Variants in MAP1LC3B observed in about 807,000 individuals in gnomAD.
MAP1LC3B encodes microtubule-associated protein 1 light chain 3 beta.
MAP1LC3B carries 12 observed loss-of-function variants against 16.7 expected under a neutral mutation model. That is an observed-to-expected ratio of 0.72 (90% CI 0.46 to 1.16). The LOEUF (loss-of-function observed/expected upper bound fraction) is 1.16. Ranked by LOEUF, MAP1LC3B falls within the 50% of genes most tolerant of loss-of-function variation. MAP1LC3B has a pLI of 0.00. For missense variants in MAP1LC3B, 155 were observed against 159.5 expected (o/e 0.97, Z 0.15); for synonymous variants, 63 against 56.5 (o/e 1.11, Z -0.51).
chr16:87,399,426 G>A (rs1907909761), intron 2 of MAP1LC3B: 1 of 318,536 alleles, frequency 3.1e-6, no homozygotes, highest in African/African-American at 2.2e-5. Context: ...GTGTCCGCTA[G>A]ATAAAGCTCT....
intron 2 of MAP1LC3B, chr16:87,400,068 G>A (rs1481363666): frequency 1.9e-5 from 3 of 159,372 alleles, no homozygotes; most frequent in Admixed American, 1.8e-4. Flanking sequence ...CACCACGCCG[G>A]CCTGATGGCT....
chr16:87,392,620 C>A, intron 1 of MAP1LC3B, 153 bp downstream of exon 1: 1 of 660,742 alleles, frequency 1.5e-6, no homozygotes, highest in Non-Finnish European at 2.0e-6. Flanking sequence ...GGATGCGGGG[C>A]CCGGGGCCCC....
chr16:87,398,689 G>T (rs904745546), intron 1 of MAP1LC3B, 126 bp from the exon 2 acceptor site: 1 of 802,302 alleles, frequency 1.2e-6, no homozygotes, highest in South Asian at 1.6e-5. Flanking sequence ...TAAGTCCTAG[G>T]AAAGATGTCT....
intron 1 of MAP1LC3B, among the ~76,000 whole-genome samples, chr16:87,394,785 A>G (rs1290627553): frequency 6.6e-6 from 1 of 152,202 alleles, no homozygotes; most frequent in African/African-American, 2.4e-5. Flanking sequence ...TCAAAAATTA[A>G]AATTGTGTGG....
rs1051811757 is a variant in MAP1LC3B at position 87,403,647 on chromosome 16, G to C, written c.*550G>C. ...GGGTAAACGGGCTGTGTGAGAAAAC[G>C]GCCCTGACTGTAAACTGCTGAAGGT... On this transcript the variant is annotated 3_prime_UTR_variant, in exon 4 of 4. Transcript: ENST00000268607. 1.3e-5 allele frequency: 2 copies of C among 152,506 alleles called. No individual in the cohort carries two copies. Among genetic ancestry groups the C allele is most frequent in the Non-Finnish European group, 2.9e-5 (2 of 68,312 alleles). The allele number at this position is 152,506 out of a possible 1,614,324, so 9.4% of individuals were successfully genotyped here. A position where few individuals can be genotyped will look rare whatever the true frequency, so the allele number is the denominator to read the frequency against.
chr16:87,402,662 A>G (rs1225089035), intron 3 of MAP1LC3B: 4 of 560,230 alleles, frequency 7.1e-6, no homozygotes, highest in Middle Eastern at 4.7e-4. Flanking sequence ...CTGTATTTGA[A>G]CTGCTTTCTT....
At chr16:87,392,598 GGCGGGGCCGAGGGAT>G (rs1907625347) in intron 1 of MAP1LC3B, 131 bp downstream of exon 1, 1 of 902,516 alleles carries the variant, frequency 1.1e-6, no homozygotes, top group Admixed American at 5.0e-5. Flanking sequence ...GCTGCCGGCC[GGCGGGGCCGAGGGAT>G]GCGGGGCCCG....
intron 2 of MAP1LC3B, chr16:87,399,072 C>T (rs1044881947): frequency 8.8e-6 from 5 of 565,568 alleles, no homozygotes; most frequent in Admixed American, 3.0e-5. Flanking sequence ...GTGGTGCGAT[C>T]GTAGCTCAGT....
Position 87,403,121 on chromosome 16 carries a change from T to A in MAP1LC3B, c.*24T>A. ...AAAACCAGAAAAAATGCAGCTCTTC[T>A]AGAATTGTTTAAACCCTTACCAAGG... On this transcript the variant is annotated 3_prime_UTR_variant, in exon 4 of 4. Coordinates refer to ENST00000268607, the MANE Select transcript of MAP1LC3B (RefSeq NM_022818.5). The A allele has an allele frequency of 1.3e-6, 2 of 1,576,336 alleles. No homozygotes were observed. The highest frequency in any genetic ancestry group is 1.7e-6 in the Non-Finnish European group (2 of 1,165,958).
At chr16:87,400,829 A>G (rs943680361) in intron 2 of MAP1LC3B, among the ~76,000 whole-genome samples, 43 of 151,636 alleles carry the variant, frequency 2.8e-4, no homozygotes, top group African/African-American at 1.0e-3. Context: ...AAACACATGC[A>G]TTTACTTTCA....
At position 87,402,937 on chromosome 16, in the gene MAP1LC3B, T is replaced by C; in HGVS notation, c.218T>C (p.Leu73Pro). ...TCTTTCAATAGAAGGCGCTTACAGCTCAATGCTAATCAGGCCTTCTTCCTG... is the reference window on the plus strand; with the variant it reads ...TCTTTCAATAGAAGGCGCTTACAGCCCAATGCTAATCAGGCCTTCTTCCTG... ...LIKIIRRRLQ[L>P]NANQAFFLLV... The change falls in exon 4 of 4, where the codon CTC becomes CCC. Residue 73 changes from leucine to proline, a missense_variant. Physicochemically the swap from Leu to Pro is moderately conservative, Grantham distance 98. Coordinates refer to ENST00000268607, the MANE Select transcript of MAP1LC3B (RefSeq NM_022818.5). The C allele has an allele frequency of 6.2e-7, 1 of 1,613,956 alleles. No individual in the cohort carries two copies. The highest frequency in any genetic ancestry group is 1.1e-5 in the South Asian group (1 of 91,076).
At chr16:87,394,008 G>A (rs1189913490) in intron 1 of MAP1LC3B, among the ~76,000 whole-genome samples, 2 of 152,186 alleles carry the variant, frequency 1.3e-5, no homozygotes, top group East Asian at 3.8e-4. Context: ...TGCGAAGAGT[G>A]GGTAGTAAGG....
intron 1 of MAP1LC3B, among the ~76,000 whole-genome samples, chr16:87,395,306 G>T (rs1453257930): frequency 1.3e-5 from 2 of 152,138 alleles, no homozygotes; most frequent in South Asian, 2.1e-4. Context: ...GTTCATTTCT[G>T]TTTTACAGCT....
In MAP1LC3B at chr16:87,403,337, A is replaced by G. The variant is rs1908064296; in HGVS notation, c.*240A>G. ...GTAGGCTAGCTTGTTTTCAAATTTTAAAAGTTTAAAAATAAAATACTTTGC... is the reference window on the plus strand; with the variant it reads ...GTAGGCTAGCTTGTTTTCAAATTTTGAAAGTTTAAAAATAAAATACTTTGC... On this transcript the variant is annotated 3_prime_UTR_variant, in exon 4 of 4. Transcript: ENST00000268607. 5.7e-6 allele frequency: 2 copies of G among 352,128 alleles called. No homozygotes were observed. The highest frequency in any genetic ancestry group is 1.6e-4 in the South Asian group (2 of 12,840). 21.8% of individuals were successfully genotyped at this position (352,128 alleles called of 1,614,324 possible).
chr16:87,398,536 C>T (rs183026601), intron 1 of MAP1LC3B, among the ~76,000 whole-genome samples: 1 of 152,360 alleles, frequency 6.6e-6, no homozygotes, highest in East Asian at 1.9e-4. Context: ...TGACCACAAA[C>T]TTTGGGCTCC....
chr16:87,404,041 G>GT lies in MAP1LC3B; in HGVS notation c.*946dup, dbSNP rs1908088868. On this transcript the variant is annotated 3_prime_UTR_variant, in exon 4 of 4. Transcript: ENST00000268607. ...TGATCCACGTTTTTGTTTTTTTAAT[G>GT]TTAAATGTGTAACTCAGTATTACTG... is the stretch of plus-strand genomic sequence containing the variant. 1 of 152,136 alleles carries GT rather than the reference G, an allele frequency of 6.6e-6. No homozygotes were observed. The highest frequency in any genetic ancestry group is 2.1e-4 in the South Asian group (1 of 4,832). The allele number at this position is 152,136 out of a possible 1,614,324, so 9.4% of individuals were successfully genotyped here. A position where few individuals can be genotyped will look rare whatever the true frequency, so the allele number is the denominator to read the frequency against.
intron 1 of MAP1LC3B, among the ~76,000 whole-genome samples, chr16:87,398,183 C>T (rs143492789): frequency 8.6e-5 from 13 of 152,044 alleles, no homozygotes; most frequent in African/African-American, 1.2e-4. Flanking sequence ...CCATCACGCC[C>T]GGCTAATTTT....
chr16:87,398,169 T>C (rs1907871084), intron 1 of MAP1LC3B, among the ~76,000 whole-genome samples: 1 of 152,128 alleles, frequency 6.6e-6, no homozygotes, highest in Non-Finnish European at 1.5e-5. Context: ...ATTACAGGCA[T>C]GTGCCATCAC....
In MAP1LC3B at chr16:87,404,180, A is replaced by C. The variant is rs1908094825; in HGVS notation, c.*1083A>C. 1 of 152,204 alleles carries C rather than the reference A, an allele frequency of 6.6e-6. No homozygotes were observed. Among genetic ancestry groups the C allele is most frequent in the Non-Finnish European group, 1.5e-5 (1 of 68,036 alleles). 9.4% of individuals were successfully genotyped at this position (152,204 alleles called of 1,614,324 possible). On this transcript the variant is annotated 3_prime_UTR_variant, in exon 4 of 4. Coordinates refer to ENST00000268607, the MANE Select transcript of MAP1LC3B (RefSeq NM_022818.5). ...GAGAAAACATAGCAAAAAGAGCCGTACGCTCTTTACAGATACTAATGTCAA... is the reference window on the plus strand; with the variant it reads ...GAGAAAACATAGCAAAAAGAGCCGTCCGCTCTTTACAGATACTAATGTCAA...
Sources: gnomAD v4.1 joint callset for allele counts (sites outside exome capture counted in the v4.1 genomes callset) on GRCh38, gnomAD v4.1.1 for gene constraint, MANE v1.5 for transcripts, NCBI Gene and HGNC (gene_info 2026-07-23, HGNC 2026-07-21) for gene names.